Variants in VAV3 observed in about 807,000 individuals in gnomAD.
VAV3 encodes the protein vav guanine nucleotide exchange factor 3, also known as guanine nucleotide exchange factor VAV3.
Under a neutral mutation model 131.2 loss-of-function variants are expected in VAV3, and 94 were observed. That is an observed-to-expected ratio of 0.72 (90% CI 0.61 to 0.85). The LOEUF is 0.85. Ranked by LOEUF, VAV3 falls within the 40% of genes least tolerant of loss-of-function variation. The pLI is 0.00. For missense variants in VAV3, 939 were observed against 1,002.7 expected, an observed-to-expected ratio of 0.94 and a Z score of 0.86; for synonymous variants, 349 against 342.0, an observed-to-expected ratio of 1.02 and a Z score of -0.22.
chr1:107,736,617 G>A (rs764031997), intron 15 of VAV3, among the ~76,000 whole-genome samples: 2 of 152,066 alleles, frequency 1.3e-5, no homozygotes, highest in Non-Finnish European at 2.9e-5. Context: ...GCTACAAAGA[G>A]AATAAAATAC....
chr1:107,819,174 T>C (rs760163931), intron 2 of VAV3, among the ~76,000 whole-genome samples: 1 of 152,170 alleles, frequency 6.6e-6, no homozygotes, highest in Non-Finnish European at 1.5e-5. Flanking sequence ...CAACATTCTA[T>C]CTTTTCCCCT....
chr1:107,874,999 T>C lies in VAV3; in HGVS notation c.223A>G (p.Ile75Val). Residue 75 changes from isoleucine (I) to valine (V), a missense_variant, in exon 2 of 27, where the codon ATA becomes GTA. By Grantham distance (29) the Ile-to-Val change is conservative. Transcript: ENST00000370056. ...QMSQFLCLKN[I>V]RTFLTACCET... ...CAACAGGCCGTGAGAAATGTCCTTA[T>C]GTTCTTCAAACAGAGAAACTGAGGA... The C allele has an allele frequency of 6.2e-7, 1 of 1,613,192 alleles. No homozygotes were observed. The highest frequency in any genetic ancestry group is 2.2e-5 in the East Asian group (1 of 44,840).
At chr1:107,616,648 A>G (rs1369577108) in intron 21 of VAV3, among the ~76,000 whole-genome samples, 1 of 152,196 alleles carries the variant, frequency 6.6e-6, no homozygotes, top group Non-Finnish European at 1.5e-5. Flanking sequence ...ACGCTTTTCT[A>G]TTCTCTTTGA....
At chr1:107,852,129 G>T (rs1054031537) in intron 2 of VAV3, among the ~76,000 whole-genome samples, 1 of 152,032 alleles carries the variant, frequency 6.6e-6, no homozygotes, top group African/African-American at 2.4e-5. Flanking sequence ...AGTTTGAATT[G>T]TTTATTAAAA....
chr1:107,615,164 C>T (rs2101194708), intron 21 of VAV3, among the ~76,000 whole-genome samples: 1 of 152,116 alleles, frequency 6.6e-6, no homozygotes, highest in South Asian at 2.1e-4. Context: ...AGAAATAATG[C>T]CACACACCTA....
intron 1 of VAV3, among the ~76,000 whole-genome samples, chr1:107,924,754 GA>G (rs1010663903): frequency 2.0e-4 from 31 of 151,684 alleles, no homozygotes; most frequent in African/African-American, 6.3e-4. Flanking sequence ...ACCATTGGGG[GA>G]AAAAAAACTG....
intron 20 of VAV3, among the ~76,000 whole-genome samples, chr1:107,629,139 A>G (rs1431103378): frequency 6.6e-6 from 1 of 152,192 alleles, no homozygotes; most frequent in Non-Finnish European, 1.5e-5. Context: ...ATGACAATGG[A>G]GCAAATAAAA....
At chr1:107,811,172 C>T (rs1667299734) in intron 2 of VAV3, among the ~76,000 whole-genome samples, 1 of 152,016 alleles carries the variant, frequency 6.6e-6, no homozygotes, top group Non-Finnish European at 1.5e-5. Flanking sequence ...AATCACTTTC[C>T]ACACTCAGAA....
chr1:107,876,384 G>C (rs1670497316), intron 1 of VAV3, among the ~76,000 whole-genome samples: 1 of 152,128 alleles, frequency 6.6e-6, no homozygotes, highest in Non-Finnish European at 1.5e-5. Context: ...CCTGAGTTTT[G>C]CTGCAGAGGA....
intron 15 of VAV3, among the ~76,000 whole-genome samples, chr1:107,725,121 T>C (rs1661760092): frequency 6.6e-6 from 1 of 152,138 alleles, no homozygotes; most frequent in South Asian, 2.1e-4. Flanking sequence ...TCAGAAATGA[T>C]AAAACCATGG....
intron 20 of VAV3, among the ~76,000 whole-genome samples, chr1:107,618,098 G>A (rs1169841169): frequency 6.6e-6 from 1 of 152,094 alleles, no homozygotes; most frequent in Non-Finnish European, 1.5e-5. Flanking sequence ...GCGCTCCTAT[G>A]AGAATCTAAT....
intron 25 of VAV3, among the ~76,000 whole-genome samples, chr1:107,593,644 T>A (rs17477334): frequency 0.14 from 20,632 of 152,102 alleles, 1,480 homozygotes; most frequent in Non-Finnish European, 0.16. Flanking sequence ...AATCTTTCTA[T>A]ACAAACATGC....
chr1:107,764,075 GA>G (rs11346427), intron 9 of VAV3, among the ~76,000 whole-genome samples: 130,364 of 138,198 alleles, frequency 0.94, 61,738 homozygotes, highest in East Asian at 1. Flanking sequence ...TCCTCTTCAG[GA>G]AAAAAAAAAA....
intron 17 of VAV3, among the ~76,000 whole-genome samples, chr1:107,697,378 A>T (rs1214373780): frequency 6.6e-6 from 1 of 152,192 alleles, no homozygotes; most frequent in Non-Finnish European, 1.5e-5. Flanking sequence ...TAAAAGAAGG[A>T]GAGAGGGAGA....
At chr1:107,736,184 A>G (rs1315048959) in intron 15 of VAV3, among the ~76,000 whole-genome samples, 1 of 152,122 alleles carries the variant, frequency 6.6e-6, no homozygotes, top group African/African-American at 2.4e-5. Context: ...CTCTCAATAA[A>G]CTAGGTACTG....
intron 1 of VAV3, among the ~76,000 whole-genome samples, chr1:107,885,681 G>A (rs747626022): frequency 1.1e-4 from 16 of 152,028 alleles, no homozygotes; most frequent in Non-Finnish European, 2.1e-4. Flanking sequence ...ATACAGGTAA[G>A]TACTGTTACA....
chr1:107,632,320 T>C (rs1374333796), intron 20 of VAV3, among the ~76,000 whole-genome samples: 7 of 152,172 alleles, frequency 4.6e-5, no homozygotes, highest in African/African-American at 1.4e-4. Flanking sequence ...TGTGTTGACA[T>C]TATTGCAAAG....
intron 17 of VAV3, among the ~76,000 whole-genome samples, chr1:107,695,251 T>C (rs561046654): frequency 6.6e-6 from 1 of 152,252 alleles, no homozygotes; most frequent in East Asian, 1.9e-4. Flanking sequence ...GTAAGAAATG[T>C]AAAGTACAGT....
intron 17 of VAV3, among the ~76,000 whole-genome samples, chr1:107,704,316 C>A (rs1321331455): frequency 1.3e-5 from 2 of 152,098 alleles, no homozygotes; most frequent in East Asian, 3.9e-4. Flanking sequence ...CTCTTGAAGA[C>A]CTCTGTCTCC....
Sources: gnomAD v4.1 joint callset for allele counts (sites outside exome capture counted in the v4.1 genomes callset) on GRCh38, gnomAD v4.1.1 for gene constraint, MANE v1.5 for transcripts, NCBI Gene and HGNC (gene_info 2026-07-23, HGNC 2026-07-21) for gene names.